Variants in TRDN observed in about 807,000 individuals in gnomAD.
TRDN encodes triadin.
TRDN carries 161 observed loss-of-function variants against 149.7 expected under a neutral mutation model. The observed-to-expected ratio is 1.08, with a 90% CI of 0.95 to 1.23. The LOEUF is 1.23. Among genes scored for constraint, TRDN ranks in the 50% most tolerant of loss-of-function variants. TRDN has a pLI of 0.00. For missense variants in TRDN, 896 were observed against 823.5 expected (o/e 1.09, Z -1.08); for synonymous variants, 294 against 250.5 (o/e 1.17, Z -1.64).
intron 23 of TRDN, among the ~76,000 whole-genome samples, 162 bp downstream of exon 23, chr6:123,331,717 G>T (rs1779666047): frequency 6.6e-6 from 1 of 151,918 alleles, no homozygotes; most frequent in African/African-American, 2.4e-5. Flanking sequence ...GTACAATTTA[G>T]AATTTAATGA....
intron 12 of TRDN, among the ~76,000 whole-genome samples, chr6:123,427,301 A>G (rs1472263759): frequency 1.3e-5 from 2 of 151,658 alleles, no homozygotes; most frequent in Admixed American, 6.6e-5. Flanking sequence ...TTAATAACTA[A>G]CCTTCTAGAA....
At chr6:123,316,607 C>A (rs1408042647) in intron 23 of TRDN, 112 bp from the exon 24 acceptor site, 1 of 821,980 alleles carries the variant, frequency 1.2e-6, no homozygotes. Context: ...TTTTTCTTGT[C>A]TGTTTTCAAT....
Position 123,244,275 on chromosome 6 carries a change from A to T in TRDN, c.1975+8137T>A, listed in dbSNP as rs549393455. 5.3e-5 allele frequency among the ~76,000 whole-genome samples: 8 copies of T among 152,296 alleles called. No homozygotes were observed. The East Asian group carries it at 1.5e-3, about 29-fold the overall frequency. On this transcript the variant is annotated intron_variant, in intron 38 of 40. Coordinates refer to ENST00000334268, the MANE Select transcript of TRDN (RefSeq NM_006073.4). Reference sequence around the variant, plus strand: ...CGAATTGACAGAAGTAGGCTTCAGAAGGTGGGTAATAACAAACTCTTCCAA... The same window carrying T: ...CGAATTGACAGAAGTAGGCTTCAGATGGTGGGTAATAACAAACTCTTCCAA...
chr6:123,379,584 A>T (rs745857229), intron 16 of TRDN, among the ~76,000 whole-genome samples: 25 of 152,324 alleles, frequency 1.6e-4, no homozygotes, highest in Non-Finnish European at 1.8e-4. Context: ...CATGCATCAG[A>T]ATCGAATACC....
chr6:123,396,186 C>T (rs1039407570), intron 12 of TRDN, among the ~76,000 whole-genome samples: 3 of 152,142 alleles, frequency 2.0e-5, no homozygotes, highest in African/African-American at 7.2e-5. Context: ...TCCAGACAGA[C>T]AAATTTTCAT....
chr6:123,388,445 T>C, intron 14 of TRDN, 77 bp downstream of exon 14: 2 of 1,470,592 alleles, frequency 1.4e-6, no homozygotes, highest in Non-Finnish European at 9.3e-7. Flanking sequence ...ATAGACAGAA[T>C]AGCAGTCAAA....
intron 35 of TRDN, 118 bp from the exon 36 acceptor site, chr6:123,256,020 A>T: frequency 2.1e-6 from 1 of 478,346 alleles, no homozygotes. Flanking sequence ...TACATGTGTC[A>T]TGGTGGTTTG....
chr6:123,283,136 T>G (rs1022949985), intron 24 of TRDN, among the ~76,000 whole-genome samples: 2 of 151,870 alleles, frequency 1.3e-5, no homozygotes, highest in Non-Finnish European at 2.9e-5. Flanking sequence ...CACAGTGGAA[T>G]AAAATTAGAA....
intron 1 of TRDN, among the ~76,000 whole-genome samples, chr6:123,621,045 T>C (rs1454332384): frequency 1.3e-5 from 2 of 152,226 alleles, no homozygotes; most frequent in Non-Finnish European, 2.9e-5. Flanking sequence ...TTTTGTCCAC[T>C]GCTATTGGTC....
chr6:123,302,046 A>G (rs1476728226), intron 24 of TRDN, among the ~76,000 whole-genome samples: 1 of 150,794 alleles, frequency 6.6e-6, no homozygotes, highest in East Asian at 1.9e-4. Context: ...TCAATTTTAC[A>G]TATAATATGT....
intron 9 of TRDN, among the ~76,000 whole-genome samples, chr6:123,487,111 C>T (rs957344392): frequency 6.6e-6 from 1 of 151,876 alleles, no homozygotes; most frequent in African/African-American, 2.4e-5. Flanking sequence ...AGAGCCAACA[C>T]TCAGAGAGCC....
chr6:123,444,467 G>C (rs200914364), intron 10 of TRDN, among the ~76,000 whole-genome samples: 133 of 150,284 alleles, frequency 8.8e-4, no homozygotes, highest in African/African-American at 1.4e-3. Context: ...CGTCTGCAAA[G>C]AGGGACAATT....
chr6:123,256,567 T>A (rs1776569830), intron 35 of TRDN, among the ~76,000 whole-genome samples: 1 of 152,204 alleles, frequency 6.6e-6, no homozygotes, highest in Non-Finnish European at 1.5e-5. Flanking sequence ...GATTTGCATT[T>A]CTCTAGTGAC....
At chr6:123,336,270 CT>C (rs1001915834) in intron 22 of TRDN, among the ~76,000 whole-genome samples, 1 of 151,988 alleles carries the variant, frequency 6.6e-6, no homozygotes, top group Non-Finnish European at 1.5e-5. Context: ...TGACTCTTAC[CT>C]TTCCCTATTA....
intron 31 of TRDN, among the ~76,000 whole-genome samples, chr6:123,268,709 A>G (rs12191712): frequency 0.043 from 6,542 of 152,118 alleles, 209 homozygotes; most frequent in Middle Eastern, 0.068. Context: ...CATCAGACTA[A>G]ACAGATATTC....
At chr6:123,464,174 G>T (rs1226043571) in intron 10 of TRDN, 2 of 798,444 alleles carry the variant, frequency 2.5e-6, no homozygotes, top group East Asian at 1.3e-4. Context: ...CCAGTATTTT[G>T]GACAATATCT....
At chr6:123,222,836 G>C (rs531589106) in intron 39 of TRDN, among the ~76,000 whole-genome samples, 2 of 151,648 alleles carry the variant, frequency 1.3e-5, no homozygotes, top group Non-Finnish European at 2.9e-5. Flanking sequence ...GTGGTCAAAG[G>C]ACATGAACAG....
intron 24 of TRDN, among the ~76,000 whole-genome samples, chr6:123,279,625 C>T (rs572974694): frequency 6.6e-6 from 1 of 152,110 alleles, no homozygotes; most frequent in South Asian, 2.1e-4. Flanking sequence ...TTCTACTTCT[C>T]ACTCCCACTT....
chr6:123,378,302 C>T (rs556046537), intron 16 of TRDN, among the ~76,000 whole-genome samples: 2 of 152,226 alleles, frequency 1.3e-5, no homozygotes, highest in Admixed American at 6.5e-5. Flanking sequence ...TTTTCTGAGA[C>T]AGGGTCTTGT....
Sources: gnomAD v4.1 joint callset for allele counts (sites outside exome capture counted in the v4.1 genomes callset) on GRCh38, gnomAD v4.1.1 for gene constraint, MANE v1.5 for transcripts, NCBI Gene and HGNC (gene_info 2026-07-23, HGNC 2026-07-21) for gene names.